Variants in NAALADL2 observed in about 807,000 individuals in gnomAD.
NAALADL2 encodes N-acetylated alpha-linked acidic dipeptidase like 2.
In NAALADL2, 76 loss-of-function variants were observed where a neutral mutation model predicts 87.2. The observed-to-expected ratio is 0.87, with a 90% CI of 0.72 to 1.05. The LOEUF (loss-of-function observed/expected upper bound fraction) is 1.05, where lower values mean the gene tolerates loss of function less well. NAALADL2 is among the 50% of genes least tolerant of loss of function. The pLI is 0.00. For missense variants in NAALADL2, 1,089 were observed against 945.8 expected, an observed-to-expected ratio of 1.15 and a Z score of -1.99; for synonymous variants, 354 against 331.0, an observed-to-expected ratio of 1.07 and a Z score of -0.75.
At chr3:175,193,892 C>A (rs956999404) in intron 2 of NAALADL2, among the ~76,000 whole-genome samples, 6 of 150,750 alleles carry the variant, frequency 4.0e-5, no homozygotes, top group Non-Finnish European at 1.5e-5. Context: ...GTTGCTATTT[C>A]ATGAAACTTA....
intron 1 of NAALADL2, among the ~76,000 whole-genome samples, chr3:174,549,577 T>C (rs1711863241): frequency 6.6e-6 from 1 of 152,112 alleles, no homozygotes; most frequent in South Asian, 2.1e-4. Context: ...CTTAGGGAGG[T>C]CACAATCTAG....
intron 11 of NAALADL2, among the ~76,000 whole-genome samples, chr3:175,662,700 G>C (rs1732428246): frequency 6.6e-6 from 1 of 151,832 alleles, no homozygotes; most frequent in South Asian, 2.1e-4. Context: ...TTTTTATTGT[G>C]AAATGATGTT....
At chr3:174,857,775 A>G (rs1203091296), upstream of NAALADL2, among the ~76,000 whole-genome samples, 2 of 152,110 alleles carry the variant, frequency 1.3e-5, no homozygotes, top group Non-Finnish European at 2.9e-5. Context: ...CTGGCATTAT[A>G]AAGAGAGAAT....
chr3:174,798,013 A>C (rs1395729189), intron 3 of NAALADL2, among the ~76,000 whole-genome samples: 1 of 144,478 alleles, frequency 6.9e-6, no homozygotes, highest in South Asian at 2.2e-4. Flanking sequence ...TCTGTGATCT[A>C]TAATCAGTTA....
chr3:175,276,028 T>C (rs1402733267), intron 4 of NAALADL2, among the ~76,000 whole-genome samples: 5 of 151,264 alleles, frequency 3.3e-5, no homozygotes, highest in Admixed American at 6.6e-5. Context: ...TCTACAAAAC[T>C]ATAGCCACAT....
chr3:174,614,823 G>T (rs1035243054), intron 2 of NAALADL2, among the ~76,000 whole-genome samples: 1 of 152,084 alleles, frequency 6.6e-6, no homozygotes, highest in Non-Finnish European at 1.5e-5. Context: ...AATTCTTAGT[G>T]TATTGTCTTT....
At chr3:174,525,296 A>C (rs1720638160) in intron 1 of NAALADL2, among the ~76,000 whole-genome samples, 1 of 152,222 alleles carries the variant, frequency 6.6e-6, no homozygotes, top group Admixed American at 6.5e-5. Context: ...TAATTTATAA[A>C]GAAAAGAGGT....
At chr3:174,849,570 A>T (rs751949256) in intron 3 of NAALADL2, among the ~76,000 whole-genome samples, 39 of 152,096 alleles carry the variant, frequency 2.6e-4, no homozygotes, top group South Asian at 1.2e-3. Flanking sequence ...CCCCGTATCT[A>T]CTAAAAATAC....
At chr3:174,947,621 T>TG (rs949407807) in intron 1 of NAALADL2, among the ~76,000 whole-genome samples, 2 of 152,064 alleles carry the variant, frequency 1.3e-5, no homozygotes, top group African/African-American at 4.8e-5. Context: ...TTATTATTCT[T>TG]GGGAAAAAAA....
intron 1 of NAALADL2, among the ~76,000 whole-genome samples, chr3:175,091,240 G>A (rs1043055039): frequency 6.6e-6 from 1 of 152,032 alleles, no homozygotes; most frequent in Non-Finnish European, 1.5e-5. Context: ...CACTGTTGCA[G>A]TACCTAAAGC....
intron 10 of NAALADL2, among the ~76,000 whole-genome samples, chr3:175,585,363 T>G (rs1720397507): frequency 6.6e-6 from 1 of 152,136 alleles, no homozygotes; most frequent in South Asian, 2.1e-4. Flanking sequence ...AAACACCTTT[T>G]ATCTTCTGCT....
At chr3:174,703,708 C>T (rs73174708) in intron 2 of NAALADL2, among the ~76,000 whole-genome samples, 15,347 of 152,082 alleles carry the variant, frequency 0.1, 935 homozygotes, top group Middle Eastern at 0.13. Context: ...GATTTTATAA[C>T]CTCGTTAAGG....
At chr3:175,215,199 T>C (rs1463099217) in intron 2 of NAALADL2, among the ~76,000 whole-genome samples, 1 of 152,182 alleles carries the variant, frequency 6.6e-6, no homozygotes, top group East Asian at 1.9e-4. Context: ...AATGTTCTGA[T>C]GCTACTGTTT....
intron 1 of NAALADL2, among the ~76,000 whole-genome samples, chr3:174,538,870 A>G (rs971968034): frequency 5.9e-5 from 9 of 152,152 alleles, no homozygotes; most frequent in South Asian, 2.1e-4. Flanking sequence ...GACTGCACCA[A>G]TGTACATCTT....
intron 2 of NAALADL2, among the ~76,000 whole-genome samples, chr3:174,728,048 T>C (rs541004807): frequency 5.3e-5 from 8 of 152,134 alleles, no homozygotes; most frequent in Non-Finnish European, 7.4e-5. Flanking sequence ...TGTGGCTTGA[T>C]AACTCAGTTT....
chr3:175,644,488 T>C (rs1484125537), intron 11 of NAALADL2, among the ~76,000 whole-genome samples: 1 of 152,142 alleles, frequency 6.6e-6, no homozygotes, highest in Non-Finnish European at 1.5e-5. Flanking sequence ...CAATCTAATT[T>C]ATTGAGATTT....
chr3:175,475,394 C>T (rs1215227102), intron 9 of NAALADL2, among the ~76,000 whole-genome samples: 6 of 152,122 alleles, frequency 3.9e-5, no homozygotes, highest in Non-Finnish European at 5.9e-5. Context: ...ATGCACCTCT[C>T]CCTATATGTT....
chr3:175,217,233 G>A (rs1051405054), intron 2 of NAALADL2, among the ~76,000 whole-genome samples: 5 of 152,268 alleles, frequency 3.3e-5, no homozygotes, highest in African/African-American at 1.2e-4. Flanking sequence ...ACACAGGGAG[G>A]TATAAATGCA....
intron 10 of NAALADL2, among the ~76,000 whole-genome samples, chr3:175,600,623 C>T (rs1206259791): frequency 7.0e-6 from 1 of 143,212 alleles, no homozygotes; most frequent in African/African-American, 2.5e-5. Flanking sequence ...CTGCAAGCTC[C>T]GCCTCCCAGG....
Sources: allele counts gnomAD v4.1 joint callset (sites outside exome capture counted in the v4.1 genomes callset), GRCh38; gene constraint gnomAD v4.1.1; transcripts MANE v1.5; gene names NCBI Gene and HGNC (gene_info 2026-07-23, HGNC 2026-07-21).